Variants in PRDX3 observed in about 807,000 individuals in gnomAD.
The protein encoded by PRDX3 is thioredoxin-dependent peroxide reductase, mitochondrial.
Under a neutral mutation model 30.4 loss-of-function variants are expected in PRDX3, and 20 were observed. The observed-to-expected ratio is 0.66, with a 90% CI of 0.46 to 0.96. PRDX3 has a LOEUF of 0.96. Ranked by LOEUF, PRDX3 falls within the 40% of genes least tolerant of loss-of-function variation. PRDX3 has a pLI of 0.00. For synonymous variants in PRDX3, 124 were observed against 117.8 expected, an observed-to-expected ratio of 1.05 and a Z score of -0.34; for missense variants, 322 against 318.3, an observed-to-expected ratio of 1.01 and a Z score of -0.09.
intron 6 of PRDX3, 41 bp from the exon 7 acceptor site, chr10:119,168,574 C>T: frequency 1.2e-6 from 2 of 1,609,972 alleles, no homozygotes; most frequent in Non-Finnish European, 1.7e-6. Flanking sequence ...GTGACTTTAC[C>T]ATAATAATAG....
At position 119,176,968 on chromosome 10, in the gene PRDX3, A is replaced by G. The variant is rs951790430; in HGVS notation, c.169+53T>C. ...GGTTCAGAGCCCCTGTCCAGAGACG[A>G]TGGTTCATTTTTCCTTTACCTGGCT... On this transcript the variant is annotated intron_variant, in intron 2 of 6. Transcript: ENST00000298510. 4.3e-6 allele frequency: 7 copies of G among 1,609,828 alleles called. No individual in the cohort carries two copies. In the African/African-American group the frequency reaches 9.3e-5, roughly 22 times the overall value.
At position 119,177,039 on chromosome 10, in the gene PRDX3, C is replaced by T; in HGVS notation, c.151G>A (p.Ala51Thr). The T allele has an allele frequency of 6.2e-7, 1 of 1,614,126 alleles. No homozygotes were observed. Among genetic ancestry groups the T allele is most frequent in the African/African-American group, 1.3e-5 (1 of 75,064 alleles). Reference sequence around the variant, plus strand: ...CACTTACTGGTGCTGAATAATTTTGCTTGACTGGAACCAGAACACAATAAA... The same window carrying T: ...CACTTACTGGTGCTGAATAATTTTGTTTGACTGGAACCAGAACACAATAAA... ...TNLLCSGSSQ[A>T]KLFSTSSSCH... The change falls in exon 2 of 7, where the codon GCA (alanine) becomes ACA (threonine). Residue 51 changes from alanine (A) to threonine (T), a missense_variant. By Grantham distance (58) the Ala-to-Thr change is moderately conservative. Coordinates refer to ENST00000298510, the MANE Select transcript of PRDX3 (RefSeq NM_006793.5).
rs1376662918 is a variant in PRDX3, at chr10:119,168,417, T to C, written c.*63A>G. On this transcript the variant is annotated 3_prime_UTR_variant, in exon 7 of 7. Coordinates refer to ENST00000298510, the MANE Select transcript of PRDX3 (RefSeq NM_006793.5). ...CTACAAATAACCATCTTGAAAATGA[T>C]AAAAGCAGGTTTCAACTGTGGTTCT... 4 of 1,606,430 alleles carry C rather than the reference T, an allele frequency of 2.5e-6. No individual in the cohort carries two copies. The highest frequency in any genetic ancestry group is 3.4e-6 in the Non-Finnish European group (4 of 1,178,468).
At chr10:119,173,254 A>T (rs1384286504) in intron 4 of PRDX3, among the ~76,000 whole-genome samples, 2 of 152,142 alleles carry the variant, frequency 1.3e-5, no homozygotes, top group African/African-American at 4.8e-5. Flanking sequence ...TCTAATTCTT[A>T]AAGCATTCTT....
chr10:119,177,000 A>C (rs778873981), intron 2 of PRDX3, 21 bp downstream of exon 2: 10 of 1,613,772 alleles, frequency 6.2e-6, no homozygotes, highest in Non-Finnish European at 7.6e-6. Context: ...GGCTCCAGCC[A>C]AGACATGACA....
At chr10:119,175,049 CTGTAA>C (rs1340363790) in intron 2 of PRDX3, among the ~76,000 whole-genome samples, 1 of 152,222 alleles carries the variant, frequency 6.6e-6, no homozygotes, top group African/African-American at 2.4e-5. Context: ...AGAGGGCCAA[CTGTAA>C]TTTCTCCTTC....
chr10:119,174,966 T>C (rs1398484747), intron 2 of PRDX3, among the ~76,000 whole-genome samples: 1 of 152,152 alleles, frequency 6.6e-6, no homozygotes, highest in Non-Finnish European at 1.5e-5. Flanking sequence ...TTGTGTTCAG[T>C]ATAGACACAA....
Position 119,173,745 on chromosome 10 carries a change from G to T in PRDX3, c.439C>A (p.Pro147Thr). 1 of 1,611,760 alleles carries T rather than the reference G, an allele frequency of 6.2e-7. No individual in the cohort carries two copies. The highest frequency in any genetic ancestry group is 8.5e-7 in the Non-Finnish European group (1 of 1,179,806). Residue 147 changes from proline to threonine, a missense_variant, in exon 4 of 7, where the codon CCA (proline) becomes ACA (threonine). Pro to Thr is a conservative substitution (Grantham distance 38, BLOSUM62 -1). Transcript: ENST00000298510. ...GGGGTACAATGCCATACCTTTCTTGGTGTATTTATCCAGGCAAGATGGCTA... is the reference window on the plus strand; with the variant it reads ...GGGGTACAATGCCATACCTTTCTTGTTGTATTTATCCAGGCAAGATGGCTA... The part of the protein sequence containing the change: ...HFSHLAWINT[P>T]RKNGGLGHMN...
chr10:119,170,495 A>C (rs966485748), intron 5 of PRDX3: 1 of 152,148 alleles, frequency 6.6e-6, no homozygotes, highest in Non-Finnish European at 1.5e-5. Flanking sequence ...GAGTTCTCAT[A>C]GGGAAAGGGA....
intron 1 of PRDX3, among the ~76,000 whole-genome samples, chr10:119,177,635 C>G (rs182845509): frequency 7.3e-6 from 1 of 136,410 alleles, no homozygotes; most frequent in Non-Finnish European, 1.5e-5. Context: ...CTAACCTGGG[C>G]GACAACTCCG....
At chr10:119,178,054 G>A (rs1320070581) in intron 1 of PRDX3, among the ~76,000 whole-genome samples, 2 of 151,570 alleles carry the variant, frequency 1.3e-5, no homozygotes, top group Non-Finnish European at 2.9e-5. Context: ...TAGAGACAAG[G>A]TCTCACTATT....
intron 4 of PRDX3, 39 bp from the exon 5 acceptor site, chr10:119,172,524 C>T: frequency 6.6e-7 from 1 of 1,519,430 alleles, no homozygotes; most frequent in Non-Finnish European, 9.1e-7. Context: ...AATGTGTGGC[C>T]TCACAACATT....
chr10:119,174,906 T>G (rs1047139037), intron 2 of PRDX3: 2 of 221,184 alleles, frequency 9.0e-6, no homozygotes, highest in Non-Finnish European at 1.7e-5. Context: ...AAATGCTACG[T>G]AAATAGTCGT....
In PRDX3 at chr10:119,172,388, G is replaced by A. The variant is rs1847925292; in HGVS notation, c.545C>T (p.Ala182Val). The A allele has an allele frequency of 3.1e-6, 5 of 1,609,002 alleles. No homozygotes were observed. The highest frequency in any genetic ancestry group is 1.1e-5 in the South Asian group (1 of 90,958). The change falls in exon 5 of 7, where the codon GCA (alanine) becomes GTA (valine). Residue 182 changes from alanine to valine, a missense_variant. Coordinates refer to ENST00000298510, the MANE Select transcript of PRDX3 (RefSeq NM_006793.5). The part of the protein sequence containing the change: ...YGVLLEGSGL[A>V]LRGLFIIDPN... ...ATCAGAAACAGGATCTTACCTTAGT[G>A]CAAGACCAGAACCTTCTAACAGCAC... is the stretch of plus-strand genomic sequence containing the variant.
chr10:119,178,735 C>T lies in PRDX3; in HGVS notation c.36+20G>A, dbSNP rs1485975716. ...AGCCACCAGTGTCTCCACGCCTGTC[C>T]CCAGCCGACAGCCACTCACCGACGC... is the stretch of plus-strand genomic sequence containing the variant. On this transcript the variant is annotated intron_variant, in intron 1 of 6. Transcript: ENST00000298510. The T allele has an allele frequency of 3.9e-6, 6 of 1,551,062 alleles. No homozygotes were observed. In the Admixed American group the frequency reaches 7.8e-5, roughly 20 times the overall value.
chr10:119,174,424 C>G, intron 3 of PRDX3, 27 bp downstream of exon 3: 1 of 1,582,188 alleles, frequency 6.3e-7, no homozygotes, highest in Non-Finnish European at 8.6e-7. Flanking sequence ...CAGAATGACA[C>G]GAAAGCATCA....
At chr10:119,175,646 C>CG (rs1462756144) in intron 2 of PRDX3, among the ~76,000 whole-genome samples, 60 of 152,246 alleles carry the variant, frequency 3.9e-4, no homozygotes, top group Admixed American at 3.9e-3. Context: ...CTGCCAGCCT[C>CG]GGCCTCCCAA....
Position 119,168,221 on chromosome 10 carries a change from T to G in PRDX3, c.*259A>C. On this transcript the variant is annotated 3_prime_UTR_variant, in exon 7 of 7. Transcript: ENST00000298510. ...GACATGATCTAAGAATAGCCTTCTA[T>G]AGAGGCAAATTATGTTCTGTAGAAA... The G allele has an allele frequency of 1.8e-6, 1 of 547,700 alleles. No individual in the cohort carries two copies. The highest frequency in any genetic ancestry group is 3.0e-6 in the Non-Finnish European group (1 of 335,448). 33.9% of individuals were successfully genotyped at this position (547,700 alleles called of 1,614,324 possible).
chr10:119,177,192 C>T (rs765351012), intron 1 of PRDX3, 39 bp from the exon 2 acceptor site: 44 of 1,606,696 alleles, frequency 2.7e-5, no homozygotes, highest in Non-Finnish European at 3.7e-5. Flanking sequence ...TTTTCCTGGA[C>T]TGGTGACTGA....
Sources: gnomAD v4.1 joint callset for allele counts (sites outside exome capture counted in the v4.1 genomes callset) on GRCh38, gnomAD v4.1.1 for gene constraint, MANE v1.5 for transcripts, NCBI Gene and HGNC (gene_info 2026-07-23, HGNC 2026-07-21) for gene names.